Variants in VEZT observed in about 807,000 individuals in gnomAD.
VEZT encodes vezatin, adherens junctions transmembrane protein.
A neutral mutation model predicts 79.9 loss-of-function variants in VEZT; 39 were observed. That is an observed-to-expected ratio of 0.49 (90% CI 0.38 to 0.64). The LOEUF (loss-of-function observed/expected upper bound fraction) is 0.64, where lower values mean the gene tolerates loss of function less well. VEZT is among the 30% of genes least tolerant of loss of function. The pLI is 0.00. For missense variants in VEZT, 837 were observed against 893.1 expected, an observed-to-expected ratio of 0.94 and a Z score of 0.80; for synonymous variants, 325 against 327.6, an observed-to-expected ratio of 0.99 and a Z score of 0.09.
At chr12:95,222,723 T>C (rs1342989794) in intron 1 of VEZT, among the ~76,000 whole-genome samples, 1 of 152,148 alleles carries the variant, frequency 6.6e-6, no homozygotes, top group African/African-American at 2.4e-5. Context: ...GAGACTTTGA[T>C]TGAAATTGCT....
At chr12:95,294,077 C>G in intron 9 of VEZT, 195 bp from the exon 10 acceptor site, 1 of 471,192 alleles carries the variant, frequency 2.1e-6, no homozygotes, top group Non-Finnish European at 3.9e-6. Context: ...GTTTTTGTAG[C>G]GACAGAGTCT....
At chr12:95,294,177 A>G (rs2073636601) in intron 9 of VEZT, 95 bp from the exon 10 acceptor site, 1 of 1,036,912 alleles carries the variant, frequency 9.6e-7, no homozygotes, top group East Asian at 2.7e-5. Flanking sequence ...ATGAGCCACC[A>G]CACCTGGCCC....
At chr12:95,265,275 T>A (rs1054699433) in intron 4 of VEZT, among the ~76,000 whole-genome samples, 1 of 151,984 alleles carries the variant, frequency 6.6e-6, no homozygotes, top group Non-Finnish European at 1.5e-5. Context: ...TATTTTTGTT[T>A]CAATTAAAGT....
chr12:95,280,319 G>A (rs1417257172), intron 7 of VEZT, among the ~76,000 whole-genome samples: 3 of 152,114 alleles, frequency 2.0e-5, no homozygotes, highest in South Asian at 2.1e-4. Flanking sequence ...ACAGTACTTT[G>A]CATTTGACTT....
intron 1 of VEZT, among the ~76,000 whole-genome samples, chr12:95,233,255 G>A (rs906540634): frequency 3.3e-5 from 5 of 150,642 alleles, no homozygotes; most frequent in African/African-American, 1.2e-4. Flanking sequence ...ACATGAATAT[G>A]TTCTCATTGT....
At position 95,262,019 on chromosome 12, in the gene VEZT, C is replaced by T. The variant is rs1269557288; in HGVS notation, c.259-887C>T. Among the ~76,000 whole-genome samples, 7 of 152,304 alleles carry T rather than the reference C, an allele frequency of 4.6e-5. No individual in the cohort carries two copies. The East Asian group carries it at 9.6e-4, about 21-fold the overall frequency. On this transcript the variant is annotated intron_variant, in intron 3 of 11. Coordinates refer to ENST00000436874, the MANE Select transcript of VEZT (RefSeq NM_017599.4). ...TCTAATATCGACGACTCACACTTCC[C>T]CAAATTAGAAAGGCTTTTATCCTGT...
chr12:95,291,283 A>G (rs2072733396), intron 9 of VEZT, among the ~76,000 whole-genome samples: 1 of 152,116 alleles, frequency 6.6e-6, no homozygotes, highest in Non-Finnish European at 1.5e-5. Context: ...TTATTTTAAA[A>G]CGCTTCATAT....
At chr12:95,235,366 G>T (rs1323767603) in intron 1 of VEZT, among the ~76,000 whole-genome samples, 1 of 134,760 alleles carries the variant, frequency 7.4e-6, no homozygotes, top group Non-Finnish European at 1.6e-5. Flanking sequence ...GGGCGGCCGG[G>T]CAGAGGCGCC....
intron 11 of VEZT, 126 bp downstream of exon 11, chr12:95,296,384 C>G (rs1206046800): frequency 1.4e-5 from 10 of 734,596 alleles, no homozygotes; most frequent in Non-Finnish European, 4.1e-6. Context: ...ATGCATAGTA[C>G]TTTTTCTTCT....
At chr12:95,240,065 G>A (rs1178663907) in intron 1 of VEZT, among the ~76,000 whole-genome samples, 3 of 103,838 alleles carry the variant, frequency 2.9e-5, no homozygotes, top group African/African-American at 7.2e-5. Context: ...AGGAAGGAAG[G>A]AAGGAAGGAA....
chr12:95,279,822 T>C (rs2068599714), intron 7 of VEZT, among the ~76,000 whole-genome samples: 1 of 152,192 alleles, frequency 6.6e-6, no homozygotes, highest in Non-Finnish European at 1.5e-5. Context: ...GTCTCCCAAC[T>C]ACTGGCCTCA....
intron 6 of VEZT, among the ~76,000 whole-genome samples, chr12:95,270,565 C>A (rs527293911): frequency 6.6e-6 from 1 of 152,214 alleles, no homozygotes; most frequent in East Asian, 1.9e-4. Context: ...CTTCCCTTTT[C>A]AAAAAAACAG....
At chr12:95,223,889 C>G (rs1201986967) in intron 1 of VEZT, among the ~76,000 whole-genome samples, 2 of 151,836 alleles carry the variant, frequency 1.3e-5, no homozygotes, top group Non-Finnish European at 2.9e-5. Context: ...TATTTTTGTT[C>G]TGTTTTTTTT....
chr12:95,239,965 AGAGAGAGAGAGAGAGAG>A (rs2060692417), intron 1 of VEZT, among the ~76,000 whole-genome samples: 3 of 150,034 alleles, frequency 2.0e-5, no homozygotes, highest in African/African-American at 7.4e-5. Context: ...AGAGAGAGAG[AGAGAGAGAGAGAGAGAG>A]GAGAGAGAGA....
chr12:95,244,295 G>A (rs1242279136), intron 1 of VEZT, among the ~76,000 whole-genome samples: 6 of 152,062 alleles, frequency 3.9e-5, no homozygotes, highest in Non-Finnish European at 1.5e-5. Flanking sequence ...GGAGGTTGAG[G>A]TGGGAGGATT....
chr12:95,258,753 A>T (rs1181209770), intron 3 of VEZT, among the ~76,000 whole-genome samples: 2 of 152,222 alleles, frequency 1.3e-5, no homozygotes, highest in African/African-American at 4.8e-5. Context: ...CTTTTAGCTT[A>T]TAAAGTGCTT....
At chr12:95,225,379 C>G (rs1377909362) in intron 1 of VEZT, among the ~76,000 whole-genome samples, 1 of 151,936 alleles carries the variant, frequency 6.6e-6, no homozygotes, top group African/African-American at 2.4e-5. Flanking sequence ...GCTGTGAAAC[C>G]CCATCTCTAG....
intron 8 of VEZT, among the ~76,000 whole-genome samples, chr12:95,284,512 T>G (rs983018461): frequency 2.0e-5 from 3 of 152,240 alleles, no homozygotes. Flanking sequence ...CTGAAAATCT[T>G]GACTGGTTTC....
At position 95,274,749 on chromosome 12, in the gene VEZT, CT is replaced by C; in HGVS notation, c.857del (p.Leu286ArgfsTer8). ...ATLYMLKNYPLNSESDNVTNY... is the reference protein window; with the variant it reads ...ATLYMLKNYPXNSESDNVTNY... ...GCCTTAACCTAATTTAACCTACCCC[CT>C]GAACTCTGAGAGTGACAATGTAACC... is the stretch of plus-strand genomic sequence containing the variant. On this transcript the variant is annotated frameshift_variant, in exon 7 of 12. Coordinates refer to ENST00000436874, the MANE Select transcript of VEZT (RefSeq NM_017599.4). LOFTEE classifies it high-confidence loss of function. 1 of 1,611,856 alleles carries C rather than the reference CT, an allele frequency of 6.2e-7. No homozygotes were observed.
Sources: gnomAD v4.1 joint callset for allele counts (sites outside exome capture counted in the v4.1 genomes callset) on GRCh38, gnomAD v4.1.1 for gene constraint, MANE v1.5 for transcripts, NCBI Gene and HGNC (gene_info 2026-07-23, HGNC 2026-07-21) for gene names.